STK32B: variants seen among roughly 807,000 people sequenced by gnomAD.
STK32B encodes serine/threonine kinase 32B.
In STK32B, 43 loss-of-function variants were observed where a neutral mutation model predicts 52.6. That is an observed-to-expected ratio of 0.82 (90% confidence interval 0.64 to 1.05). The LOEUF is 1.05. Ranked by LOEUF, STK32B falls within the 50% of genes least tolerant of loss-of-function variation. STK32B has a pLI of 0.00. For synonymous variants in STK32B, 238 were observed against 204.3 expected (o/e 1.17, Z -1.41); for missense variants, 621 against 534.6 (o/e 1.16, Z -1.59).
At chr4:5,494,064 G>A (rs1318050239) in intron 11 of STK32B, among the ~76,000 whole-genome samples, 1 of 152,152 alleles carries the variant, frequency 6.6e-6, no homozygotes, top group Non-Finnish European at 1.5e-5. Flanking sequence ...TGTTGATTTG[G>A]GGTGGAGAGT....
chr4:5,229,270 C>T (rs1270684619), intron 3 of STK32B, among the ~76,000 whole-genome samples: 3 of 150,964 alleles, frequency 2.0e-5, no homozygotes, highest in Admixed American at 2.0e-4. Flanking sequence ...CAAAATGATG[C>T]CACAACTTAA....
At chr4:5,118,402 T>C (rs1295089044) in intron 1 of STK32B, among the ~76,000 whole-genome samples, 2 of 152,236 alleles carry the variant, frequency 1.3e-5, no homozygotes, top group Non-Finnish European at 2.9e-5. Flanking sequence ...TCAGTTGTAA[T>C]GTAGATACAC....
chr4:5,062,480 A>G (rs1267569351), intron 1 of STK32B, among the ~76,000 whole-genome samples: 1 of 152,080 alleles, frequency 6.6e-6, no homozygotes, highest in East Asian at 1.9e-4. Flanking sequence ...TCGAACTCCT[A>G]AACATTACAA....
intron 4 of STK32B, among the ~76,000 whole-genome samples, chr4:5,340,305 T>C (rs551223590): frequency 2.0e-5 from 3 of 152,188 alleles, no homozygotes; most frequent in South Asian, 2.1e-4. Flanking sequence ...CCAGCCTGAA[T>C]TGGGGAGTGG....
At chr4:5,144,792 C>T (rs28375883) in intron 2 of STK32B, among the ~76,000 whole-genome samples, 5,453 of 51,670 alleles carry the variant, frequency 0.11, 293 homozygotes, top group African/African-American at 0.23. Flanking sequence ...ACTCATCCAT[C>T]CATCCATCCA....
intron 3 of STK32B, among the ~76,000 whole-genome samples, chr4:5,255,097 T>G (rs1029924620): frequency 1.3e-5 from 2 of 152,118 alleles, no homozygotes; most frequent in Non-Finnish European, 2.9e-5. Context: ...TATTAATCAA[T>G]TAAACAGCAG....
intron 3 of STK32B, among the ~76,000 whole-genome samples, chr4:5,259,506 A>G (rs1726559839): frequency 6.6e-6 from 1 of 152,238 alleles, no homozygotes; most frequent in South Asian, 2.1e-4. Context: ...TTTGGACCTC[A>G]GTTCCCTCAT....
intron 11 of STK32B, among the ~76,000 whole-genome samples, chr4:5,493,754 G>A (rs1264556843): frequency 2.6e-5 from 4 of 152,184 alleles, no homozygotes; most frequent in East Asian, 3.8e-4. Context: ...CTTTGAATGT[G>A]TCCCAGAGAT....
rs1742090036 is a variant in STK32B, at chr4:5,058,448, T to C, written c.52+6533T>C. Among the ~76,000 whole-genome samples, 1 of 152,244 alleles carries C rather than the reference T, an allele frequency of 6.6e-6. No individual in the cohort carries two copies. The highest frequency in any genetic ancestry group is 2.4e-5 in the African/African-American group (1 of 41,466). On this transcript the variant is annotated intron_variant, in intron 1 of 11. Transcript: ENST00000282908. The surrounding 1 kb of genome is among the most constrained non-coding windows in gnomAD (Gnocchi z 4.8). ...ACAGTGATCTACATGGTGGAACTTATTTCAGTCTGGTTCCCAGAGTGAGAA... is the reference window on the plus strand; with the variant it reads ...ACAGTGATCTACATGGTGGAACTTACTTCAGTCTGGTTCCCAGAGTGAGAA...
chr4:5,345,188 C>A (rs1733369195), intron 4 of STK32B: 2 of 150,948 alleles, frequency 1.3e-5, no homozygotes, highest in South Asian at 4.2e-4. Flanking sequence ...AAAGTAAATT[C>A]TTTTTTTTGC....
intron 9 of STK32B, among the ~76,000 whole-genome samples, chr4:5,461,690 C>G (rs1343442382): frequency 2.0e-5 from 3 of 152,186 alleles, no homozygotes; most frequent in Non-Finnish European, 4.4e-5. Flanking sequence ...GCCCACCTTT[C>G]TCCCCACTTC....
intron 4 of STK32B, among the ~76,000 whole-genome samples, chr4:5,371,133 A>G (rs551565511): frequency 7.2e-4 from 110 of 152,124 alleles, no homozygotes; most frequent in Admixed American, 2.8e-3. Flanking sequence ...AGTTTATCAC[A>G]ATGTTGCAGA....
At chr4:5,124,505 G>C (rs1352306386) in intron 1 of STK32B, among the ~76,000 whole-genome samples, 2 of 152,104 alleles carry the variant, frequency 1.3e-5, no homozygotes, top group African/African-American at 2.4e-5. Flanking sequence ...TTTGTTCCTG[G>C]CTCAGGGCCT....
rs1438831861 is a variant in STK32B at position 5,470,950 on chromosome 4, C to G, written c.1106+2880C>G. 6.6e-6 allele frequency among the ~76,000 whole-genome samples: 1 copy of G among 152,224 alleles called. No homozygotes were observed. The highest frequency in any genetic ancestry group is 1.5e-5 in the Non-Finnish European group (1 of 68,042). ...GCATCAAGCCAGGCTTGTCGTCATG[C>G]TCCGCCTGGACCACGTCCCCGGTCC... On this transcript the variant is annotated intron_variant, in intron 11 of 11. Coordinates refer to ENST00000282908, the MANE Select transcript of STK32B (RefSeq NM_018401.3). The surrounding 1 kb of genome is among the most constrained non-coding windows in gnomAD (Gnocchi z 4.6).
chr4:5,485,617 C>A (rs1321969736), intron 11 of STK32B, among the ~76,000 whole-genome samples: 1 of 152,200 alleles, frequency 6.6e-6, no homozygotes, highest in Admixed American at 6.5e-5. Flanking sequence ...CAGCTTTGTT[C>A]CGTTGCTGGT....
At chr4:5,274,674 C>G (rs985667641) in intron 3 of STK32B, among the ~76,000 whole-genome samples, 1 of 152,200 alleles carries the variant, frequency 6.6e-6, no homozygotes, top group African/African-American at 2.4e-5. Context: ...CTGGCAGCAG[C>G]GACCCTCTTT....
chr4:5,098,108 G>C (rs1443810264), intron 1 of STK32B, among the ~76,000 whole-genome samples: 1 of 152,168 alleles, frequency 6.6e-6, no homozygotes, highest in Non-Finnish European at 1.5e-5. Context: ...ATATTTTATT[G>C]GTCAAATCAG....
intron 3 of STK32B, among the ~76,000 whole-genome samples, chr4:5,198,222 A>T (rs988598786): frequency 1.3e-5 from 2 of 152,332 alleles, no homozygotes; most frequent in South Asian, 2.1e-4. Context: ...TGCATAGAAT[A>T]TAAATGTCTA....
Position 5,051,583 on chromosome 4 carries a change from C to T in STK32B, c.-281C>T, listed in dbSNP as rs1388688636. On this transcript the variant is annotated 5_prime_UTR_variant, in exon 1 of 12. Coordinates refer to ENST00000282908, the MANE Select transcript of STK32B (RefSeq NM_018401.3). ...CCCGGCGCGAGGAGCTCCCGGGTTC[C>T]CGGGCGGGCACTGGAGTAAGGAGCT... 2.4e-6 allele frequency: 1 copy of T among 414,740 alleles called. No homozygotes were observed. The highest frequency in any genetic ancestry group is 4.2e-6 in the Non-Finnish European group (1 of 236,672). The allele number at this position is 414,740 out of a possible 1,614,324, so 25.7% of individuals were successfully genotyped here.
Sources: gnomAD v4.1 joint callset for allele counts (sites outside exome capture counted in the v4.1 genomes callset) on GRCh38, gnomAD v4.1.1 for gene constraint, Gnocchi (gnomAD v3.1) non-coding constraint, MANE v1.5 for transcripts, NCBI Gene and HGNC (gene_info 2026-07-23, HGNC 2026-07-21) for gene names.